UBE2K: variants seen among roughly 807,000 people sequenced by gnomAD.
UBE2K encodes ubiquitin conjugating enzyme E2 K, also known as ubiquitin-conjugating enzyme E2 K.
UBE2K carries 6 observed loss-of-function variants against 30.0 expected under a neutral mutation model. The observed-to-expected ratio is 0.20, with a 90% CI of 0.11 to 0.39. UBE2K has a LOEUF of 0.39. Among genes scored for constraint, UBE2K ranks in the 10% least tolerant of loss-of-function variants. The probability of loss-of-function intolerance (pLI) is 1.00; values close to 1 mark genes in which losing one functional copy is unlikely to be tolerated. For missense variants in UBE2K, 61 were observed against 241.6 expected (o/e 0.25, Z 4.96); for synonymous variants, 86 against 83.7 (o/e 1.03, Z -0.15).
chr4:39,761,607 T>G (rs536972718), intron 4 of UBE2K, among the ~76,000 whole-genome samples: 1 of 152,332 alleles, frequency 6.6e-6, no homozygotes, highest in East Asian at 1.9e-4. Context: ...TTATAAAGAT[T>G]GACACATTTT....
At chr4:39,733,063 A>C (rs1177420703) in intron 1 of UBE2K, among the ~76,000 whole-genome samples, 2 of 150,964 alleles carry the variant, frequency 1.3e-5, no homozygotes, top group Non-Finnish European at 1.5e-5. Context: ...AAAAAAAAAA[A>C]AAAAAAAAAA....
chr4:39,773,917 C>T (rs944036462), intron 4 of UBE2K, among the ~76,000 whole-genome samples: 4 of 151,230 alleles, frequency 2.6e-5, no homozygotes, highest in South Asian at 2.1e-4. Context: ...TGAGACTCCG[C>T]CTCAAAACTA....
chr4:39,703,200 C>G (rs1718133384), intron 1 of UBE2K, among the ~76,000 whole-genome samples: 1 of 152,028 alleles, frequency 6.6e-6, no homozygotes, highest in South Asian at 2.1e-4. Context: ...CCATGTTGGC[C>G]AGGCTGGCCT....
At chr4:39,776,647 C>A (rs1713299527) in intron 5 of UBE2K, among the ~76,000 whole-genome samples, 1 of 152,070 alleles carries the variant, frequency 6.6e-6, no homozygotes, top group African/African-American at 2.4e-5. Context: ...ACTTCTTTAA[C>A]CTATAAGATT....
At chr4:39,766,969 T>A (rs1712381775) in intron 4 of UBE2K, among the ~76,000 whole-genome samples, 1 of 152,190 alleles carries the variant, frequency 6.6e-6, no homozygotes, top group Middle Eastern at 3.2e-3. Flanking sequence ...CAGGCTGGTC[T>A]CGAACTCCTG....
In UBE2K at chr4:39,716,505, G is replaced by A. The variant is rs372028961; in HGVS notation, c.63+18115G>A. ...CTCAAGTGATCCATGCGCCTTAGCCGCCCAGAGTGCTGGGATTACAGGCAT... is the reference window on the plus strand; with the variant it reads ...CTCAAGTGATCCATGCGCCTTAGCCACCCAGAGTGCTGGGATTACAGGCAT... On this transcript the variant is annotated intron_variant, in intron 1 of 6. Transcript: ENST00000261427. 4.6e-5 allele frequency among the ~76,000 whole-genome samples: 7 copies of A among 152,220 alleles called. No individual in the cohort carries two copies. The South Asian group carries it at 8.3e-4, about 18-fold the overall frequency.
At chr4:39,705,873 G>A (rs1460017929) in intron 1 of UBE2K, among the ~76,000 whole-genome samples, 26 of 143,506 alleles carry the variant, frequency 1.8e-4, no homozygotes, top group Non-Finnish European at 3.5e-4. Flanking sequence ...TTTTTGAGAC[G>A]GAGTCTCGCT....
At chr4:39,735,432 G>A (rs991960019) in intron 1 of UBE2K, among the ~76,000 whole-genome samples, 1 of 152,222 alleles carries the variant, frequency 6.6e-6, no homozygotes, top group African/African-American at 2.4e-5. Context: ...CCAGGCTGGA[G>A]TGCAGTGGCG....
intron 1 of UBE2K, among the ~76,000 whole-genome samples, chr4:39,716,552 A>G (rs1316903234): frequency 1.3e-5 from 2 of 152,084 alleles, no homozygotes; most frequent in African/African-American, 2.4e-5. Context: ...CCCAGCCCAG[A>G]TGGACTATTT....
chr4:39,718,454 A>G (rs903491614), intron 1 of UBE2K, among the ~76,000 whole-genome samples: 3 of 152,224 alleles, frequency 2.0e-5, no homozygotes, highest in African/African-American at 4.8e-5. Flanking sequence ...GGCCTCACCC[A>G]GTGGATCTCG....
At chr4:39,700,640 C>T (rs2109298240) in intron 1 of UBE2K, among the ~76,000 whole-genome samples, 1 of 152,266 alleles carries the variant, frequency 6.6e-6, no homozygotes, top group East Asian at 1.9e-4. Flanking sequence ...GGTGTAAATA[C>T]AGTCTTTTGA....
At chr4:39,728,083 G>A (rs771910187) in intron 1 of UBE2K, among the ~76,000 whole-genome samples, 2 of 151,884 alleles carry the variant, frequency 1.3e-5, no homozygotes, top group African/African-American at 2.4e-5. Flanking sequence ...GCAGTGAGCC[G>A]AGATTGCCCC....
intron 4 of UBE2K, among the ~76,000 whole-genome samples, chr4:39,757,975 C>T (rs2109379955): frequency 6.6e-6 from 1 of 152,304 alleles, no homozygotes; most frequent in South Asian, 2.1e-4. Flanking sequence ...TTCACCTTTA[C>T]ATACTGCAAA....
At chr4:39,714,548 A>ATTTTTT (rs1168820129) in intron 1 of UBE2K, 12 of 24,676 alleles carry the variant, frequency 4.9e-4, no homozygotes, top group African/African-American at 9.5e-4. Context: ...ATATATATAT[A>ATTTTTT]TATTTTTTTT....
At chr4:39,762,952 T>TC (rs1329835510) in intron 4 of UBE2K, among the ~76,000 whole-genome samples, 3 of 142,256 alleles carry the variant, frequency 2.1e-5, no homozygotes, top group Admixed American at 1.4e-4. Flanking sequence ...TTTTTTTTTT[T>TC]TTTTTTTTTT....
intron 1 of UBE2K, among the ~76,000 whole-genome samples, chr4:39,716,681 T>G (rs1719083128): frequency 6.6e-6 from 1 of 152,146 alleles, no homozygotes; most frequent in Admixed American, 6.6e-5. Flanking sequence ...GGCAACATAG[T>G]GAGACCCTGT....
intron 4 of UBE2K, among the ~76,000 whole-genome samples, chr4:39,766,970 C>T (rs573806087): frequency 5.9e-5 from 9 of 152,150 alleles, no homozygotes; most frequent in Admixed American, 2.6e-4. Context: ...AGGCTGGTCT[C>T]GAACTCCTGA....
At chr4:39,704,716 A>G (rs1321595908) in intron 1 of UBE2K, among the ~76,000 whole-genome samples, 1 of 151,652 alleles carries the variant, frequency 6.6e-6, no homozygotes, top group Non-Finnish European at 1.5e-5. Context: ...AATTTATGTA[A>G]TTTTTTGTAG....
intron 2 of UBE2K, among the ~76,000 whole-genome samples, chr4:39,738,432 A>T (rs1720495973): frequency 6.6e-6 from 1 of 152,188 alleles, no homozygotes; most frequent in Non-Finnish European, 1.5e-5. Flanking sequence ...TGTGCTTTTA[A>T]TCACTTTATG....
Sources: allele counts gnomAD v4.1 joint callset (sites outside exome capture counted in the v4.1 genomes callset), GRCh38; gene constraint gnomAD v4.1.1; transcripts MANE v1.5; gene names NCBI Gene and HGNC (gene_info 2026-07-23, HGNC 2026-07-21).